INTS3: variants seen among roughly 807,000 people sequenced by gnomAD.
INTS3 encodes the protein SOSS complex subunit A.
A neutral mutation model predicts 146.3 loss-of-function variants in INTS3; 34 were observed. The observed-to-expected ratio is 0.23, with a 90% CI of 0.18 to 0.31. The LOEUF (loss-of-function observed/expected upper bound fraction) is 0.31, where lower values mean the gene tolerates loss of function less well. Among genes scored for constraint, INTS3 ranks in the 10% least tolerant of loss-of-function variants. The pLI, the probability that INTS3 is intolerant of heterozygous loss-of-function variation, is 1.00. For missense variants in INTS3, 757 were observed against 1,304.2 expected, an observed-to-expected ratio of 0.58 and a Z score of 6.46; for synonymous variants, 475 against 494.9, an observed-to-expected ratio of 0.96 and a Z score of 0.53.
chr1:153,740,494 G>A (rs1671487149), intron 1 of INTS3, among the ~76,000 whole-genome samples, 157 bp from the exon 2 acceptor site: 1 of 152,136 alleles, frequency 6.6e-6, no homozygotes, highest in South Asian at 2.1e-4. Context: ...CCACATTTTA[G>A]ATTTTGCTGG....
chr1:153,739,139 C>T (rs1006492672), intron 1 of INTS3, among the ~76,000 whole-genome samples: 2 of 152,132 alleles, frequency 1.3e-5, no homozygotes, highest in African/African-American at 2.4e-5. Context: ...TCTCGGTTCA[C>T]GGCAACTGCC....
At position 153,772,504 on chromosome 1, in the gene INTS3, G is replaced by T; in HGVS notation, c.2821+64G>T. On this transcript the variant is annotated intron_variant, in intron 27 of 29. Transcript: ENST00000318967. This position sits in a 1 kb window ranked among gnomAD's most constrained non-coding sequence, Gnocchi z 4.6. The stretch of plus-strand genomic sequence containing the variant: ...TGCCCTGGCCCAGACTATGCCTGGA[G>T]CCAGGCTGGGGGCAGGGGCAGGACA... 2 of 1,613,450 alleles carry T rather than the reference G, an allele frequency of 1.2e-6. No homozygotes were observed. Among genetic ancestry groups the T allele is most frequent in the Non-Finnish European group, 8.5e-7 (1 of 1,179,618 alleles).
Position 153,763,325 on chromosome 1 carries a change from T to C in INTS3, c.1729T>C (p.Ser577Pro). 6.2e-7 allele frequency: 1 copy of C among 1,613,906 alleles called. No individual in the cohort carries two copies. The highest frequency in any genetic ancestry group is 8.5e-7 in the Non-Finnish European group (1 of 1,179,994). ...ITPYLDQLDE[S>P]LRDKVLQLQK... Reference sequence around the variant, plus strand: ...CCCTTACCTTGACCAGTTGGATGAGTCCCTGAGGGACAAAGTACTCCAGCT... The same window carrying C: ...CCCTTACCTTGACCAGTTGGATGAGCCCCTGAGGGACAAAGTACTCCAGCT... Residue 577 changes from serine to proline, a missense_variant, in exon 16 of 30, where the codon TCC becomes CCC. By Grantham distance (74) the Ser-to-Pro change is moderately conservative (BLOSUM62 -1). Coordinates refer to ENST00000318967, the MANE Select transcript of INTS3 (RefSeq NM_023015.5).
At chr1:153,767,623 A>G in intron 20 of INTS3, 51 bp from the exon 21 acceptor site, 1 of 1,504,774 alleles carries the variant, frequency 6.6e-7, no homozygotes, top group Non-Finnish European at 8.9e-7. Flanking sequence ...GGGATGCTTG[A>G]AGGTGGGCAC....
intron 1 of INTS3, among the ~76,000 whole-genome samples, chr1:153,740,227 G>A (rs892837658): frequency 5.3e-5 from 8 of 152,008 alleles, no homozygotes; most frequent in African/African-American, 1.5e-4. Context: ...AGCCTCCCAG[G>A]TAGCTGGGAT....
chr1:153,772,038 TG>T lies in INTS3; in HGVS notation c.2720+77del. 1.6e-6 allele frequency: 2 copies of T among 1,283,168 alleles called. No homozygotes were observed. Among genetic ancestry groups the T allele is most frequent in the African/African-American group, 2.9e-5 (2 of 68,612 alleles). The allele number at this position is 1,283,168 out of a possible 1,614,324, so 79.5% of individuals were successfully genotyped here. ...TTGCTGTCGGTGGTGGTGGTGGTGGTGGTGGTGGTGGTGATGGGGGTCAGTG... is the reference window on the plus strand; with the variant it reads ...TTGCTGTCGGTGGTGGTGGTGGTGGTGTGGTGGTGGTGATGGGGGTCAGTG... On this transcript the variant is annotated intron_variant, in intron 26 of 29. Transcript: ENST00000318967. This position sits in a 1 kb window ranked among gnomAD's most constrained non-coding sequence, Gnocchi z 4.6.
At chr1:153,740,400 C>G (rs1026928022) in intron 1 of INTS3, among the ~76,000 whole-genome samples, 2 of 152,178 alleles carry the variant, frequency 1.3e-5, no homozygotes, top group Non-Finnish European at 2.9e-5. Context: ...ACGCCTGGCC[C>G]TAAGTCTCTT....
chr1:153,735,312 G>A (rs749295443), intron 1 of INTS3, among the ~76,000 whole-genome samples: 6 of 152,126 alleles, frequency 3.9e-5, no homozygotes, highest in African/African-American at 1.4e-4. Flanking sequence ...CTGTATGCTA[G>A]GTGCTTTCAC....
Position 153,728,595 on chromosome 1 carries a change from C to A in INTS3, c.-40C>A. The A allele has an allele frequency of 6.4e-7, 1 of 1,571,970 alleles. No individual in the cohort carries two copies. ...ATCCCGATATCTAGGACTGTCCATC[C>A]ATCCACTCCCTGACCTTTTCCCGGC... On this transcript the variant is annotated 5_prime_UTR_variant, in exon 1 of 30. Coordinates refer to ENST00000318967, the MANE Select transcript of INTS3 (RefSeq NM_023015.5).
At chr1:153,762,692 A>C (rs1396835660) in intron 14 of INTS3, 36 bp from the exon 15 acceptor site, 1 of 1,612,870 alleles carries the variant, frequency 6.2e-7, no homozygotes, top group Admixed American at 1.7e-5. Flanking sequence ...AGGACCCAGG[A>C]GGCCATTAAA....
chr1:153,739,721 A>C (rs1223874026), intron 1 of INTS3, among the ~76,000 whole-genome samples: 1 of 143,210 alleles, frequency 7.0e-6, no homozygotes, highest in East Asian at 2.1e-4. Context: ...TGCCCACCTC[A>C]GCCTCCCAAA....
chr1:153,763,381 C>T lies in INTS3; in HGVS notation c.1766+19C>T. ...AGGGGAGGTGGGTACAGACCTTGTT[C>T]TCAACTTCAGGAGGTTCAGCCCCAG... On this transcript the variant is annotated intron_variant, in intron 16 of 29. Coordinates refer to ENST00000318967, the MANE Select transcript of INTS3 (RefSeq NM_023015.5). 6.2e-7 allele frequency: 1 copy of T among 1,613,468 alleles called. No homozygotes were observed. Among genetic ancestry groups the T allele is most frequent in the Middle Eastern group, 1.8e-4 (1 of 5,660 alleles).
chr1:153,751,089 C>T lies in INTS3; in HGVS notation c.585-6C>T, dbSNP rs1275292995. 2 of 1,614,000 alleles carry T rather than the reference C, an allele frequency of 1.2e-6. No individual in the cohort carries two copies. The highest frequency in any genetic ancestry group is 1.7e-6 in the Non-Finnish European group (2 of 1,179,902). On this transcript the variant is annotated splice_polypyrimidine_tract_variant and splice_region_variant and intron_variant, in intron 6 of 29. Transcript: ENST00000318967. ...GCATAGGAGCCAGTGTGTTTCCTCC[C>T]TGCAGGGAGTGGGTCCTGAAGAGCA...
At chr1:153,744,004 C>T (rs1671632780) in intron 3 of INTS3, among the ~76,000 whole-genome samples, 1 of 150,988 alleles carries the variant, frequency 6.6e-6, no homozygotes, top group African/African-American at 2.4e-5. Flanking sequence ...TGAGACTCTC[C>T]ACTTCTCTTT....
intron 1 of INTS3, among the ~76,000 whole-genome samples, chr1:153,733,173 A>G (rs1224140244): frequency 8.1e-6 from 1 of 123,230 alleles, no homozygotes; most frequent in Non-Finnish European, 1.7e-5. Flanking sequence ...CTGACTTCCC[A>G]TAGGGAGCAG....
At position 153,773,556 on chromosome 1, in the gene INTS3, G is replaced by A; in HGVS notation, c.*286G>A. On this transcript the variant is annotated 3_prime_UTR_variant, in exon 30 of 30. Coordinates refer to ENST00000318967, the MANE Select transcript of INTS3 (RefSeq NM_023015.5). ...TCTGTAAAATCAGACCATAGTGGAAGTCCTCAGCCCCCTGGCCCCTTCCGC... is the reference window on the plus strand; with the variant it reads ...TCTGTAAAATCAGACCATAGTGGAAATCCTCAGCCCCCTGGCCCCTTCCGC... 1.8e-6 allele frequency: 1 copy of A among 543,162 alleles called. No homozygotes were observed. Among genetic ancestry groups the A allele is most frequent in the Non-Finnish European group, 3.4e-6 (1 of 295,398 alleles). 33.6% of individuals were successfully genotyped at this position (543,162 alleles called of 1,614,324 possible).
chr1:153,767,885 C>T lies in INTS3; in HGVS notation c.2244+58C>T, dbSNP rs1006032352. 10 of 1,509,608 alleles carry T rather than the reference C, an allele frequency of 6.6e-6. No individual in the cohort carries two copies. The Admixed American group carries it at 1.1e-4, about 17-fold the overall frequency. The allele number at this position is 1,509,608 out of a possible 1,614,324, so 93.5% of individuals were successfully genotyped here. On this transcript the variant is annotated intron_variant, in intron 21 of 29. Transcript: ENST00000318967. ...GCTCACAGGAACACACCTCAGTGAA[C>T]ACTCTGAGTACACACAACCCTGAAC...
Position 153,774,745 on chromosome 1 carries a change from T to G in INTS3, c.*1475T>G, listed in dbSNP as rs1335425200. ...TTGAAAGTCTAAACCACTGGAGGCTTCTTTTTCCTTCCTCTCTCCTTCCCC... is the reference window on the plus strand; with the variant it reads ...TTGAAAGTCTAAACCACTGGAGGCTGCTTTTTCCTTCCTCTCTCCTTCCCC... On this transcript the variant is annotated 3_prime_UTR_variant, in exon 30 of 30. Coordinates refer to ENST00000318967, the MANE Select transcript of INTS3 (RefSeq NM_023015.5). 4 of 228,310 alleles carry G rather than the reference T, an allele frequency of 1.8e-5. No individual in the cohort carries two copies. The highest frequency in any genetic ancestry group is 5.2e-5 in the Admixed American group (1 of 19,412). The allele number at this position is 228,310 out of a possible 1,614,324, so 14.1% of individuals were successfully genotyped here. A position where few individuals can be genotyped will look rare whatever the true frequency, so the allele number is the denominator to read the frequency against.
chr1:153,734,749 A>G (rs558646489), intron 1 of INTS3, among the ~76,000 whole-genome samples: 5 of 151,988 alleles, frequency 3.3e-5, no homozygotes, highest in Non-Finnish European at 5.9e-5. Flanking sequence ...CCTCTCCCCT[A>G]CCTTTTCCTC....
Sources: allele counts gnomAD v4.1 joint callset (sites outside exome capture counted in the v4.1 genomes callset), GRCh38; gene constraint gnomAD v4.1.1; non-coding constraint Gnocchi (gnomAD v3.1); transcripts MANE v1.5; gene names NCBI Gene and HGNC (gene_info 2026-07-23, HGNC 2026-07-21).